THADA: variants seen among roughly 807,000 people sequenced by gnomAD.
The protein encoded by THADA is tRNA (32-2'-O)-methyltransferase regulator THADA.
THADA carries 213 observed loss-of-function variants against 219.8 expected under a neutral mutation model. That is an observed-to-expected ratio of 0.97 (90% CI 0.87 to 1.09). The LOEUF (loss-of-function observed/expected upper bound fraction) is 1.09. Ranked by LOEUF, THADA falls within the 50% of genes least tolerant of loss-of-function variation. The probability of loss-of-function intolerance (pLI) is 0.00; values close to 1 mark genes in which losing one functional copy is unlikely to be tolerated. For synonymous variants in THADA, 1,018 were observed against 828.9 expected (o/e 1.23, Z -3.92); for missense variants, 2,956 against 2,311.3 (o/e 1.28, Z -5.72).
chr2:43,302,047 T>TG (rs917195123), intron 31 of THADA, among the ~76,000 whole-genome samples: 3 of 152,216 alleles, frequency 2.0e-5, no homozygotes, highest in African/African-American at 7.2e-5. Context: ...TGCCTTTTTT[T>TG]TTTACAAAGG....
intron 36 of THADA, among the ~76,000 whole-genome samples, chr2:43,257,464 G>A (rs568471851): frequency 1.3e-5 from 2 of 152,328 alleles, no homozygotes; most frequent in African/African-American, 2.4e-5. Context: ...GCTGGGCTTC[G>A]GGGCAGCACA....
At chr2:43,291,902 C>T (rs1674774891) in intron 33 of THADA, 134 bp from the exon 34 acceptor site, 1 of 840,216 alleles carries the variant, frequency 1.2e-6, no homozygotes, top group Non-Finnish European at 1.8e-6. Flanking sequence ...TACAAAAATG[C>T]CTCCGGAAGC....
intron 24 of THADA, among the ~76,000 whole-genome samples, chr2:43,504,765 T>C (rs1483488552): frequency 6.6e-6 from 1 of 152,138 alleles, no homozygotes; most frequent in Non-Finnish European, 1.5e-5. Flanking sequence ...ATGCCTGTAA[T>C]TCCAGCTACT....
chr2:43,374,721 T>C (rs1185653082), intron 29 of THADA, among the ~76,000 whole-genome samples: 3 of 152,296 alleles, frequency 2.0e-5, no homozygotes, highest in South Asian at 2.1e-4. Flanking sequence ...ATATGTTATA[T>C]ATAGTTAATA....
At chr2:43,299,947 G>C (rs1237942495) in intron 31 of THADA, among the ~76,000 whole-genome samples, 2 of 148,434 alleles carry the variant, frequency 1.3e-5, no homozygotes, top group Non-Finnish European at 3.0e-5. Context: ...AGAACTGCTT[G>C]AACCTGTGAC....
chr2:43,363,742 C>G (rs1404834111), intron 29 of THADA, among the ~76,000 whole-genome samples: 1 of 152,182 alleles, frequency 6.6e-6, no homozygotes, highest in Non-Finnish European at 1.5e-5. Context: ...ATGGAAATAA[C>G]ACACAGTTCC....
chr2:43,272,565 T>C (rs1300798867), intron 36 of THADA, among the ~76,000 whole-genome samples: 2 of 151,870 alleles, frequency 1.3e-5, no homozygotes, highest in African/African-American at 4.8e-5. Flanking sequence ...ATCTATAGAC[T>C]ATCTTAAGTA....
At chr2:43,344,744 T>C (rs2104539042) in intron 29 of THADA, among the ~76,000 whole-genome samples, 1 of 152,278 alleles carries the variant, frequency 6.6e-6, no homozygotes, top group East Asian at 1.9e-4. Flanking sequence ...GCAGTGATGT[T>C]TGTAACTATT....
chr2:43,407,873 A>C (rs1296495381), intron 28 of THADA, among the ~76,000 whole-genome samples: 1 of 152,110 alleles, frequency 6.6e-6, no homozygotes, highest in African/African-American at 2.4e-5. Flanking sequence ...AAAAAGAATG[A>C]TGGATTCCCA....
intron 14 of THADA, 103 bp from the exon 15 acceptor site, chr2:43,566,924 T>C: frequency 1.2e-6 from 1 of 818,906 alleles, no homozygotes; most frequent in South Asian, 3.4e-5. Flanking sequence ...GTTTTCAATT[T>C]AAAAATAAAA....
chr2:43,362,190 G>A (rs1028076113), intron 29 of THADA, among the ~76,000 whole-genome samples: 1 of 152,194 alleles, frequency 6.6e-6, no homozygotes, highest in Non-Finnish European at 1.5e-5. Context: ...GAAGCAAAGC[G>A]TCTTTCCTGT....
chr2:43,387,811 GC>G (rs1217542243), intron 29 of THADA, among the ~76,000 whole-genome samples: 1 of 152,184 alleles, frequency 6.6e-6, no homozygotes, highest in East Asian at 1.9e-4. Context: ...AGGCTGAGAA[GC>G]CCTGCCACAA....
intron 31 of THADA, among the ~76,000 whole-genome samples, chr2:43,297,172 G>A (rs1675527576): frequency 1.0e-5 from 1 of 97,370 alleles, no homozygotes; most frequent in South Asian, 4.3e-4. Flanking sequence ...TGAGATGTGG[G>A]GAGCGCCTCT....
At chr2:43,349,109 C>T (rs972238841) in intron 29 of THADA, among the ~76,000 whole-genome samples, 2 of 152,152 alleles carry the variant, frequency 1.3e-5, no homozygotes, top group Admixed American at 6.5e-5. Flanking sequence ...AGGCATGGAA[C>T]TGCCAAGAGA....
intron 26 of THADA, among the ~76,000 whole-genome samples, chr2:43,434,131 G>C (rs1679765999): frequency 1.3e-5 from 2 of 152,220 alleles, no homozygotes; most frequent in Admixed American, 6.5e-5. Context: ...TTAGGACTAT[G>C]AGTACAAGTA....
intron 20 of THADA, among the ~76,000 whole-genome samples, chr2:43,548,891 G>C (rs1254382362): frequency 6.6e-6 from 1 of 152,176 alleles, no homozygotes; most frequent in Non-Finnish European, 1.5e-5. Context: ...TGCGCCCACT[G>C]TCTGGCACTC....
chr2:43,485,357 A>C (rs1272905796), intron 25 of THADA, 32 bp from the exon 26 acceptor site: 2 of 1,512,400 alleles, frequency 1.3e-6, no homozygotes, highest in Non-Finnish European at 1.8e-6. Context: ...AATAAGGCTT[A>C]AATATTCTTG....
intron 29 of THADA, among the ~76,000 whole-genome samples, chr2:43,344,626 GA>G (rs1667428869): frequency 6.6e-6 from 1 of 152,204 alleles, no homozygotes; most frequent in South Asian, 2.1e-4. Flanking sequence ...TAAATTTAAA[GA>G]AAAATACATT....
At chr2:43,515,803 T>A (rs1242710418) in intron 22 of THADA, among the ~76,000 whole-genome samples, 3 of 152,112 alleles carry the variant, frequency 2.0e-5, no homozygotes, top group Non-Finnish European at 2.9e-5. Context: ...TAAGTCTGCC[T>A]TCCAGAGACT....
Sources: allele counts gnomAD v4.1 joint callset (sites outside exome capture counted in the v4.1 genomes callset), GRCh38; gene constraint gnomAD v4.1.1; transcripts MANE v1.5; gene names NCBI Gene and HGNC (gene_info 2026-07-23, HGNC 2026-07-21).